Variants in ADAMTS5 observed in about 807,000 individuals in gnomAD.
The protein encoded by ADAMTS5 is A disintegrin and metalloproteinase with thrombospondin motifs 5.
ADAMTS5 carries 54 observed loss-of-function variants against 81.4 expected under a neutral mutation model. The ratio of observed to expected loss-of-function variants is 0.66; its 90% CI spans 0.53 to 0.83. The LOEUF is 0.83. ADAMTS5 is among the 40% of genes least tolerant of loss of function. The probability of loss-of-function intolerance (pLI) is 0.00; values close to 1 mark genes in which losing one functional copy is unlikely to be tolerated. For missense variants in ADAMTS5, 1,194 were observed against 1,229.9 expected, an observed-to-expected ratio of 0.97 and a Z score of 0.44; for synonymous variants, 532 against 508.8, an observed-to-expected ratio of 1.05 and a Z score of -0.61.
At chr21:26,944,228 A>G (rs1361446836) in intron 2 of ADAMTS5, among the ~76,000 whole-genome samples, 1 of 152,206 alleles carries the variant, frequency 6.6e-6, no homozygotes, top group Non-Finnish European at 1.5e-5. Context: ...GCTCATTTTG[A>G]AAACATACCC....
At chr21:26,927,703 C>T (rs1372102899) in intron 7 of ADAMTS5, among the ~76,000 whole-genome samples, 3 of 152,050 alleles carry the variant, frequency 2.0e-5, no homozygotes, top group Non-Finnish European at 2.9e-5. Flanking sequence ...ATGCAATGAT[C>T]TGGTTTAGGT....
rs1374293938 is a variant in ADAMTS5, at chr21:26,957,496, G to T, written c.1105-2625C>A. ...AGATAGATATAATCTAGACCTGGAA[G>T]CAGGAGATACTGGAGAGATGTGAAT... On this transcript the variant is annotated intron_variant, in intron 1 of 7. Coordinates refer to ENST00000284987, the MANE Select transcript of ADAMTS5 (RefSeq NM_007038.5). 4.6e-5 allele frequency among the ~76,000 whole-genome samples: 7 copies of T among 152,010 alleles called. No individual in the cohort carries two copies. In the East Asian group the frequency reaches 1.4e-3, roughly 29 times the overall value.
At chr21:26,954,634 A>C (rs1987385686) in intron 2 of ADAMTS5, 105 bp downstream of exon 2, 1 of 1,516,358 alleles carries the variant, frequency 6.6e-7, no homozygotes, top group Non-Finnish European at 8.9e-7. Context: ...CCAGTGGTAC[A>C]TCTGAACCAG....
At position 26,933,028 on chromosome 21, in the gene ADAMTS5, T is replaced by C. The variant is rs758123661; in HGVS notation, c.1706A>G (p.Asn569Ser). ...KKYYSTSSHG[N>S]WGSWGSWGQC... ...GCCCCAGGATCCCCAAGATCCCCAG[T>C]TGCCATGGCTTGACGTCTGAAATAG... The change falls in exon 5 of 8, where the codon AAC becomes AGC. Residue 569 changes from asparagine to serine, a missense_variant. Physicochemically the swap from Asn to Ser is conservative, Grantham distance 46. Around this residue, in one of 2 missense-constraint regions of ADAMTS5, gnomAD observed 696 missense variants for 817.6 expected, o/e 0.85. Coordinates refer to ENST00000284987, the MANE Select transcript of ADAMTS5 (RefSeq NM_007038.5). 5.0e-6 allele frequency: 8 copies of C among 1,613,096 alleles called. No individual in the cohort carries two copies. The East Asian group carries it at 1.8e-4, about 36-fold the overall frequency.
intron 2 of ADAMTS5, chr21:26,953,860 C>T (rs185745386): frequency 2.5e-4 from 38 of 154,068 alleles, no homozygotes; most frequent in Admixed American, 2.2e-3. Flanking sequence ...GAAATAGGCA[C>T]TATTATCCCT....
rs997231847 is a variant in ADAMTS5 at position 26,919,091 on chromosome 21, A to G, written c.*4962T>C. ...TTGCAAACTGTAAAATCATGTAGAA[A>G]AATAGTAACTCAAAAATACCACATT... On this transcript the variant is annotated 3_prime_UTR_variant, in exon 8 of 8. Transcript: ENST00000284987. The G allele has an allele frequency of 1.3e-5, 2 of 152,084 alleles. No homozygotes were observed. Among genetic ancestry groups the G allele is most frequent in the African/African-American group, 4.8e-5 (2 of 41,434 alleles). 9.4% of individuals were successfully genotyped at this position (152,084 alleles called of 1,614,324 possible). A position where few individuals can be genotyped will look rare whatever the true frequency, so the allele number is the denominator to read the frequency against.
chr21:26,965,626 A>G lies in ADAMTS5; in HGVS notation c.766T>C (p.Trp256Arg). The change falls in exon 1 of 8, where the codon TGG (tryptophan) becomes CGG (arginine). Residue 256 changes from tryptophan to arginine, a missense_variant. This residue lies in a region of ADAMTS5 where 498 missense variants were observed against 412.3 expected (regional missense o/e 1.21). Transcript: ENST00000284987. ...GAGATGGAGCGGCGCCGCCGCCGCC[A>G]CCACGTCTGCGGTCCTGAGCCCCCA... ...PAGGSGPQTW[W>R]RRRRRSISRA... 6.3e-7 allele frequency: 1 copy of G among 1,597,414 alleles called. No individual in the cohort carries two copies. The highest frequency in any genetic ancestry group is 2.3e-5 in the East Asian group (1 of 44,278).
chr21:26,932,853 C>T lies in ADAMTS5; in HGVS notation c.1873+8G>A. 6.3e-7 allele frequency: 1 copy of T among 1,598,976 alleles called. No individual in the cohort carries two copies. The highest frequency in any genetic ancestry group is 1.8e-5 in the Admixed American group (1 of 56,366). Reference sequence around the variant, plus strand: ...TATGATGGTTGCTGACACTTGGGAGCAGCGTACCATTGGGTGGGCAGGGCA... The same window carrying T: ...TATGATGGTTGCTGACACTTGGGAGTAGCGTACCATTGGGTGGGCAGGGCA... On this transcript the variant is annotated splice_region_variant and intron_variant, in intron 5 of 7. Coordinates refer to ENST00000284987, the MANE Select transcript of ADAMTS5 (RefSeq NM_007038.5).
rs1002294095 is a variant in ADAMTS5, at chr21:26,954,799, T to C, written c.1177A>G (p.Ser393Gly). ...CCATCGTCTTCAATCACAGCACAGC[T>C]GCGCTCTGGAGAACATATGGTCCCA... ...DVGTICSPER[S>G]CAVIEDDGLH... Residue 393 changes from serine (S) to glycine (G), a missense_variant, in exon 2 of 8, where the codon AGC (serine) becomes GGC (glycine). Around this residue, in one of 2 missense-constraint regions of ADAMTS5, gnomAD observed 696 missense variants for 817.6 expected, o/e 0.85. Coordinates refer to ENST00000284987, the MANE Select transcript of ADAMTS5 (RefSeq NM_007038.5). The C allele has an allele frequency of 6.2e-7, 1 of 1,614,058 alleles. No individual in the cohort carries two copies. The highest frequency in any genetic ancestry group is 8.5e-7 in the Non-Finnish European group (1 of 1,180,024).
intron 6 of ADAMTS5, 126 bp from the exon 7 acceptor site, chr21:26,930,187 A>C (rs1180703581): frequency 2.3e-6 from 2 of 873,914 alleles, no homozygotes; most frequent in African/African-American, 1.7e-5. Context: ...ATTGAAAAAA[A>C]AAAAAGCCAA....
chr21:26,923,946 G>T lies in ADAMTS5; in HGVS notation c.*107C>A, dbSNP rs1449768998. ...CCATAATTGGACTCCTGTTGACAAT[G>T]TCACTGAAGCATGACTTTCTGTGCG... On this transcript the variant is annotated 3_prime_UTR_variant, in exon 8 of 8. Coordinates refer to ENST00000284987, the MANE Select transcript of ADAMTS5 (RefSeq NM_007038.5). The T allele has an allele frequency of 6.7e-6, 8 of 1,194,856 alleles. No homozygotes were observed. Among genetic ancestry groups the T allele is most frequent in the Non-Finnish European group, 9.2e-6 (8 of 872,266 alleles). 74.0% of individuals were successfully genotyped at this position (1,194,856 alleles called of 1,614,324 possible). A position where few individuals can be genotyped will look rare whatever the true frequency, so the allele number is the denominator to read the frequency against.
intron 2 of ADAMTS5, among the ~76,000 whole-genome samples, 193 bp downstream of exon 2, chr21:26,954,546 C>T (rs538149899): frequency 5.8e-4 from 89 of 152,276 alleles, no homozygotes; most frequent in African/African-American, 2.0e-3. Flanking sequence ...AGAAAACATC[C>T]ACCGTGTTGC....
intron 7 of ADAMTS5, among the ~76,000 whole-genome samples, chr21:26,928,411 TTC>T: frequency 6.6e-6 from 1 of 152,340 alleles, no homozygotes; most frequent in Non-Finnish European, 1.5e-5. Context: ...AATGAATTTC[TTC>T]TTTTTCATGT....
In ADAMTS5 at chr21:26,943,476, G is replaced by A. The variant is rs757685984; in HGVS notation, c.1309C>T (p.Arg437Cys). ...CTGGTAAGGATGGAAGACATTAAGC[G>A]CTTATCTTCTGTGGAACCAAAGGTC... is the stretch of plus-strand genomic sequence containing the variant. ...EETFGSTEDK[R>C]LMSSILTSID... is the part of the protein sequence containing the mutation. Residue 437 changes from arginine (R) to cysteine (C), a missense_variant, in exon 3 of 8, where the codon CGC becomes TGC. By Grantham distance (180) the Arg-to-Cys change is radical. Transcript: ENST00000284987. 33 of 1,613,584 alleles carry A rather than the reference G, an allele frequency of 2.0e-5. No individual in the cohort carries two copies. Among genetic ancestry groups the A allele is most frequent in the Middle Eastern group, 3.3e-4 (2 of 6,084 alleles).
chr21:26,934,328 G>A, intron 4 of ADAMTS5, 138 bp downstream of exon 4: 1 of 1,132,976 alleles, frequency 8.8e-7, no homozygotes, highest in Non-Finnish European at 1.2e-6. Flanking sequence ...GGTAAAAGAA[G>A]AAGCTCTAAA....
chr21:26,947,503 T>A lies in ADAMTS5; in HGVS notation c.1238-3956A>T, dbSNP rs540557930. ...GGCTGGAGTGCAAAGGCAAGATCTC[T>A]GCTCACTGCAATCTCCACCTCCCGG... On this transcript the variant is annotated intron_variant, in intron 2 of 7. Coordinates refer to ENST00000284987, the MANE Select transcript of ADAMTS5 (RefSeq NM_007038.5). 2.6e-5 allele frequency among the ~76,000 whole-genome samples: 4 copies of A among 152,048 alleles called. No homozygotes were observed. The East Asian group carries it at 7.7e-4, about 29-fold the overall frequency.
chr21:26,943,993 G>T (rs976391257), intron 2 of ADAMTS5, among the ~76,000 whole-genome samples: 5 of 152,162 alleles, frequency 3.3e-5, no homozygotes, highest in African/African-American at 1.2e-4. Flanking sequence ...TGAACTTAGT[G>T]CTGTGCAAGT....
At position 26,922,882 on chromosome 21, in the gene ADAMTS5, C is replaced by T. The variant is rs1212705106; in HGVS notation, c.*1171G>A. On this transcript the variant is annotated 3_prime_UTR_variant, in exon 8 of 8. Transcript: ENST00000284987. ...ATATTAACCACTTTTTGGCATTAAC[C>T]ACATTAACAATGATAACCACTTCTC... 6.6e-6 allele frequency: 1 copy of T among 152,482 alleles called. No homozygotes were observed. The highest frequency in any genetic ancestry group is 1.9e-4 in the East Asian group (1 of 5,188). The allele number at this position is 152,482 out of a possible 1,614,324, so 9.4% of individuals were successfully genotyped here. A position where few individuals can be genotyped will look rare whatever the true frequency, so the allele number is the denominator to read the frequency against.
chr21:26,923,889 A>T lies in ADAMTS5; in HGVS notation c.*164T>A. On this transcript the variant is annotated 3_prime_UTR_variant, in exon 8 of 8. Coordinates refer to ENST00000284987, the MANE Select transcript of ADAMTS5 (RefSeq NM_007038.5). ...ACCACTGTCACGTGAAGCAGTGCAC[A>T]TCCTCTTTTGGTCACAGAGAGCAGA... is the stretch of plus-strand genomic sequence containing the variant. The T allele has an allele frequency of 1.4e-6, 1 of 695,464 alleles. No homozygotes were observed. Among genetic ancestry groups the T allele is most frequent in the Non-Finnish European group, 2.3e-6 (1 of 432,258 alleles). 43.1% of individuals were successfully genotyped at this position (695,464 alleles called of 1,614,324 possible). A position where few individuals can be genotyped will look rare whatever the true frequency, so the allele number is the denominator to read the frequency against.
Sources: gnomAD v4.1 joint callset for allele counts (sites outside exome capture counted in the v4.1 genomes callset) on GRCh38, gnomAD v4.1.1 for gene constraint, gnomAD v4.1.1 regional missense constraint, MANE v1.5 for transcripts, NCBI Gene and HGNC (gene_info 2026-07-23, HGNC 2026-07-21) for gene names.